ZMAT4: variants seen among roughly 807,000 people sequenced by gnomAD.
ZMAT4 encodes the protein zinc finger matrin-type 4.
Under a neutral mutation model 28.7 loss-of-function variants are expected in ZMAT4, and 17 were observed. The observed-to-expected ratio is 0.59, with a 90% confidence interval of 0.41 to 0.89. ZMAT4 has a LOEUF of 0.89. ZMAT4 is among the 40% of genes least tolerant of loss of function. The pLI is 0.00. For synonymous variants in ZMAT4, 117 were observed against 109.2 expected (o/e 1.07, Z -0.44); for missense variants, 240 against 283.8 (o/e 0.85, Z 1.11).
At chr8:40,571,562 C>T (rs1180937341) in intron 6 of ZMAT4, among the ~76,000 whole-genome samples, 1 of 152,120 alleles carries the variant, frequency 6.6e-6, no homozygotes, top group Non-Finnish European at 1.5e-5. Flanking sequence ...GACACAGCCT[C>T]ATTCCTGTCG....
intron 6 of ZMAT4, among the ~76,000 whole-genome samples, chr8:40,543,315 G>A (rs1198445709): frequency 6.6e-6 from 1 of 152,184 alleles, no homozygotes; most frequent in African/African-American, 2.4e-5. Flanking sequence ...GTGGTCTGGT[G>A]TGGCAACCCC....
chr8:40,884,875 C>T (rs538232969), intron 1 of ZMAT4: 9 of 152,354 alleles, frequency 5.9e-5, no homozygotes, highest in African/African-American at 9.6e-5. Context: ...TGGCTGCTTC[C>T]GTGCTGCAGC....
chr8:40,710,037 C>CAA (rs35882795), intron 3 of ZMAT4, among the ~76,000 whole-genome samples: 2 of 78,258 alleles, frequency 2.6e-5, no homozygotes, highest in Non-Finnish European at 3.1e-5. Flanking sequence ...GACCCAGTCT[C>CAA]AAAAAAAAAA....
chr8:40,708,774 C>T (rs991836027), intron 3 of ZMAT4, among the ~76,000 whole-genome samples: 2 of 151,404 alleles, frequency 1.3e-5, no homozygotes, highest in South Asian at 2.1e-4. Context: ...ATCAGCCTCC[C>T]GAGTAGCCGG....
intron 3 of ZMAT4, among the ~76,000 whole-genome samples, chr8:40,703,190 A>G (rs1439198450): frequency 6.6e-6 from 1 of 152,186 alleles, no homozygotes; most frequent in Admixed American, 6.5e-5. Flanking sequence ...AACTTTATAG[A>G]ACATAGCTAC....
intron 2 of ZMAT4, among the ~76,000 whole-genome samples, chr8:40,814,768 T>C (rs1033361476): frequency 6.6e-6 from 1 of 152,192 alleles, no homozygotes; most frequent in African/African-American, 2.4e-5. Flanking sequence ...GAAATAGGAA[T>C]AGGTGGGAGA....
intron 5 of ZMAT4, among the ~76,000 whole-genome samples, chr8:40,630,708 G>A (rs1164632615): frequency 5.3e-5 from 8 of 152,130 alleles, no homozygotes; most frequent in South Asian, 4.1e-4. Context: ...ACATGTGCAC[G>A]AATTTATGCA....
At position 40,649,782 on chromosome 8, in the gene ZMAT4, C is replaced by A. The variant is rs542845735; in HGVS notation, c.577+24922G>T. 2.2e-3 allele frequency among the ~76,000 whole-genome samples: 331 copies of A among 152,046 alleles called. 2 individuals carry two copies. Among genetic ancestry groups the A allele is most frequent in the African/African-American group, 7.5e-3 (310 of 41,416 alleles). On this transcript the variant is annotated intron_variant, in intron 5 of 6. Transcript: ENST00000297737. Reference sequence around the variant, plus strand: ...CAGGATTAATAATCTCACTCAAAACCGCTCAACTACATGGAAACTGAACAA... The same window carrying A: ...CAGGATTAATAATCTCACTCAAAACAGCTCAACTACATGGAAACTGAACAA...
intron 5 of ZMAT4, among the ~76,000 whole-genome samples, chr8:40,645,856 T>A (rs1205973968): frequency 2.0e-5 from 3 of 152,246 alleles, no homozygotes; most frequent in South Asian, 2.1e-4. Flanking sequence ...TATATAACCA[T>A]ATACAGTAAT....
chr8:40,556,123 T>C (rs993477353), intron 6 of ZMAT4, among the ~76,000 whole-genome samples: 1 of 152,148 alleles, frequency 6.6e-6, no homozygotes, highest in Non-Finnish European at 1.5e-5. Context: ...TGTTGTTTTT[T>C]AGGGTTTATC....
chr8:40,753,066 C>T (rs1365815986), intron 3 of ZMAT4, among the ~76,000 whole-genome samples: 1 of 7,204 alleles, frequency 1.4e-4, no homozygotes, highest in Non-Finnish European at 8.8e-3. Context: ...CCCAACAGGC[C>T]CCGGTGTGTG....
intron 2 of ZMAT4, 35 bp from the exon 3 acceptor site, chr8:40,767,765 G>T: frequency 6.4e-7 from 1 of 1,572,714 alleles, no homozygotes; most frequent in Non-Finnish European, 8.6e-7. Context: ...TACTGTAAAA[G>T]ATAAGCCATT....
intron 6 of ZMAT4, among the ~76,000 whole-genome samples, chr8:40,578,386 A>C (rs903137258): frequency 6.6e-6 from 1 of 152,186 alleles, no homozygotes; most frequent in Non-Finnish European, 1.5e-5. Context: ...CTATATTTGT[A>C]AGGAAAAACA....
intron 4 of ZMAT4, among the ~76,000 whole-genome samples, chr8:40,678,948 G>A (rs1809024908): frequency 6.6e-6 from 1 of 152,132 alleles, no homozygotes; most frequent in South Asian, 2.1e-4. Context: ...ACAGTGTATG[G>A]TATCTGTGCC....
intron 5 of ZMAT4, among the ~76,000 whole-genome samples, chr8:40,635,629 G>T (rs749323009): frequency 6.6e-6 from 1 of 152,170 alleles, no homozygotes; most frequent in Non-Finnish European, 1.5e-5. Context: ...GGGCGTGGTG[G>T]CAATGTCTCA....
chr8:40,828,572 G>A (rs540955568), intron 1 of ZMAT4, among the ~76,000 whole-genome samples: 2 of 152,102 alleles, frequency 1.3e-5, no homozygotes, highest in South Asian at 4.2e-4. Context: ...AAAATTCAAG[G>A]GAAGAGAAAA....
chr8:40,723,009 G>A (rs1340332479), intron 3 of ZMAT4, among the ~76,000 whole-genome samples: 1 of 152,162 alleles, frequency 6.6e-6, no homozygotes, highest in Non-Finnish European at 1.5e-5. Flanking sequence ...ATTGTAACTG[G>A]AATTGCATCT....
At chr8:40,659,623 C>A (rs1004957572) in intron 5 of ZMAT4, among the ~76,000 whole-genome samples, 1 of 152,058 alleles carries the variant, frequency 6.6e-6, no homozygotes, top group South Asian at 2.1e-4. Flanking sequence ...TCTGGAGGTG[C>A]AATTATTCAC....
At chr8:40,605,733 G>A (rs1486735611) in intron 5 of ZMAT4, among the ~76,000 whole-genome samples, 1 of 152,122 alleles carries the variant, frequency 6.6e-6, no homozygotes, top group Non-Finnish European at 1.5e-5. Context: ...TTTCTGTCTT[G>A]ATAACCTGTC....
Sources: gnomAD v4.1 joint callset for allele counts (sites outside exome capture counted in the v4.1 genomes callset) on GRCh38, gnomAD v4.1.1 for gene constraint, MANE v1.5 for transcripts, NCBI Gene and HGNC (gene_info 2026-07-23, HGNC 2026-07-21) for gene names.